Variants in ARHGAP39 observed in about 807,000 individuals in gnomAD.
ARHGAP39 encodes the protein rho GTPase-activating protein 39.
In ARHGAP39, 44 loss-of-function variants were observed where a neutral mutation model predicts 106.9. The ratio of observed to expected loss-of-function variants is 0.41; its 90% CI spans 0.32 to 0.53. ARHGAP39 has a LOEUF of 0.53. Ranked by LOEUF, ARHGAP39 falls within the 20% of genes least tolerant of loss-of-function variation. The pLI, the probability that ARHGAP39 is intolerant of heterozygous loss-of-function variation, is 0.21. For synonymous variants in ARHGAP39, 768 were observed against 693.2 expected (o/e 1.11, Z -1.69); for missense variants, 1,496 against 1,577.3 (o/e 0.95, Z 0.87).
chr8:144,618,193 C>A (rs1268447322), intron 1 of ARHGAP39, among the ~76,000 whole-genome samples: 2 of 152,246 alleles, frequency 1.3e-5, no homozygotes, highest in Non-Finnish European at 2.9e-5. Context: ...CGCCTGCCTG[C>A]ATGGCAAAGC....
chr8:144,579,649 C>T (rs1818895656), intron 3 of ARHGAP39, among the ~76,000 whole-genome samples: 1 of 152,132 alleles, frequency 6.6e-6, no homozygotes, highest in Admixed American at 6.5e-5. Context: ...CCCTCTGTGC[C>T]TGCACCTCGG....
chr8:144,631,817 T>A (rs1821069155), intron 1 of ARHGAP39, among the ~76,000 whole-genome samples: 1 of 152,234 alleles, frequency 6.6e-6, no homozygotes, highest in African/African-American at 2.4e-5. Context: ...CCTGTTTTCT[T>A]GTAACCTTTT....
intron 1 of ARHGAP39, among the ~76,000 whole-genome samples, chr8:144,633,138 T>A (rs985985080): frequency 2.8e-5 from 4 of 142,702 alleles, no homozygotes; most frequent in Non-Finnish European, 6.0e-5. Flanking sequence ...CAAGACCCTG[T>A]TTTTTTTTGT....
intron 3 of ARHGAP39, among the ~76,000 whole-genome samples, chr8:144,574,409 G>A (rs542121381): frequency 2.0e-5 from 3 of 152,134 alleles, no homozygotes; most frequent in South Asian, 4.2e-4. Flanking sequence ...GGTGGCTCAT[G>A]CCTGTAATCC....
rs1822106413 is a variant in ARHGAP39, at chr8:144,671,735, C to T, written c.-82+13951G>A. 6.6e-6 allele frequency among the ~76,000 whole-genome samples: 1 copy of T among 152,260 alleles called. No individual in the cohort carries two copies. The highest frequency in any genetic ancestry group is 6.5e-5 in the Admixed American group (1 of 15,288). The stretch of plus-strand genomic sequence containing the variant: ...GCCACCCTAGGGTTCTCCCTACGAC[C>T]CCAGGCACACGGCCACCTCTGCTGT... On this transcript the variant is annotated intron_variant, in intron 1 of 11. Coordinates refer to ENST00000377307, the MANE Select transcript of ARHGAP39 (RefSeq NM_025251.3). The surrounding 1 kb of genome is among the most constrained non-coding windows in gnomAD (Gnocchi z 4.5).
chr8:144,579,201 C>CAAA lies in ARHGAP39; in HGVS notation c.512+1642_512+1644dup, dbSNP rs541332282. On this transcript the variant is annotated intron_variant, in intron 3 of 11. Coordinates refer to ENST00000377307, the MANE Select transcript of ARHGAP39 (RefSeq NM_025251.3). The stretch of plus-strand genomic sequence containing the variant: ...TGGGCGACAGAGCGAGACTCTGTCT[C>CAAA]AAAAAAAAAAAAAAAAAAAAAAAAG... Among the ~76,000 whole-genome samples the CAAA allele has an allele frequency of 5.2e-3, 208 of 39,832 alleles. 3 individuals carry two copies. Among genetic ancestry groups the CAAA allele is most frequent in the Non-Finnish European group, 7.6e-3 (148 of 19,578 alleles). The allele number at this position is 39,832 out of a possible 152,430, so 26.1% of individuals were successfully genotyped here.
At chr8:144,636,410 G>C (rs750343417) in intron 1 of ARHGAP39, among the ~76,000 whole-genome samples, 5 of 152,144 alleles carry the variant, frequency 3.3e-5, no homozygotes, top group Middle Eastern at 3.2e-3. Flanking sequence ...GAGGGACTAG[G>C]GGGAGGAGTA....
Position 144,548,157 on chromosome 8 carries a change from G to A in ARHGAP39, c.929C>T (p.Pro310Leu), listed in dbSNP as rs375834942. The A allele has an allele frequency of 2.5e-6, 4 of 1,573,058 alleles. No homozygotes were observed. The African/African-American group carries it at 5.4e-5, about 21-fold the overall frequency. ...CACTGGGGGCTCCTCGTAGAGCGGG[G>A]GTTCATAGCCATAGCGCGGGGAGGA... ...QPSSPRYGYE[P>L]PLYEEPPVEY... Residue 310 changes from proline (P) to leucine (L), a missense_variant, in exon 5 of 12, where the codon CCC becomes CTC. Physicochemically the swap from Pro to Leu is moderately conservative, Grantham distance 98. This residue lies in a region of ARHGAP39 where 905 missense variants were observed against 816.4 expected (regional missense o/e 1.11). Coordinates refer to ENST00000377307, the MANE Select transcript of ARHGAP39 (RefSeq NM_025251.3). The surrounding 1 kb of genome is among the most constrained non-coding windows in gnomAD (Gnocchi z 7.4).
chr8:144,601,685 C>G (rs1224624324), intron 2 of ARHGAP39, among the ~76,000 whole-genome samples: 1 of 126,470 alleles, frequency 7.9e-6, no homozygotes, highest in African/African-American at 3.1e-5. Context: ...AGCTCATGTA[C>G]CTGTGTGCAT....
At chr8:144,615,202 T>G (rs1820602014) in intron 1 of ARHGAP39, among the ~76,000 whole-genome samples, 1 of 152,136 alleles carries the variant, frequency 6.6e-6, no homozygotes, top group Non-Finnish European at 1.5e-5. Context: ...ACGCCTGTGG[T>G]CCCAGCTACT....
At chr8:144,653,896 G>A (rs544558561) in intron 1 of ARHGAP39, among the ~76,000 whole-genome samples, 15 of 152,328 alleles carry the variant, frequency 9.8e-5, no homozygotes, top group East Asian at 3.9e-4. Context: ...AACTGGCGCC[G>A]AAAAGGGAAA....
At chr8:144,695,710 G>T in the ARHGAP39 span, among the ~76,000 whole-genome samples, 1 of 152,090 alleles carries the variant, frequency 6.6e-6, no homozygotes, top group Admixed American at 6.6e-5. Flanking sequence ...AAATAAAGTA[G>T]GCAAAAAAGT....
rs1228438090 is a variant in ARHGAP39 at position 144,547,812 on chromosome 8, C to T, written c.1274G>A (p.Gly425Asp). Residue 425 changes from glycine to aspartate, a missense_variant, in exon 5 of 12, where the codon GGT becomes GAT. Transcript: ENST00000377307. The surrounding 1 kb of genome is among the most constrained non-coding windows in gnomAD (Gnocchi z 5.2). ...GGGGCTGGGCTGCAAGGAGTACGAA[C>T]CACCGCCGGGGTTGGGCGCGTACTT... ...RHKYAPNPGG[G>D]SYSLQPSPCL... is the part of the protein sequence containing the mutation. 4 of 1,592,186 alleles carry T rather than the reference C, an allele frequency of 2.5e-6. No homozygotes were observed. The highest frequency in any genetic ancestry group is 1.1e-5 in the South Asian group (1 of 88,844).
chr8:144,572,317 A>C (rs1818615702), intron 3 of ARHGAP39, among the ~76,000 whole-genome samples: 1 of 152,196 alleles, frequency 6.6e-6, no homozygotes, highest in African/African-American at 2.4e-5. Flanking sequence ...CTCAGAAATA[A>C]CACCACACAT....
At chr8:144,610,610 G>C (rs1820456545) in intron 1 of ARHGAP39, among the ~76,000 whole-genome samples, 1 of 152,018 alleles carries the variant, frequency 6.6e-6, no homozygotes, top group African/African-American at 2.4e-5. Flanking sequence ...AACTCGAAAG[G>C]CTGAGGCAGG....
rs957826487 is a variant in ARHGAP39, at chr8:144,597,988, G to A, written c.80+7547C>T. On this transcript the variant is annotated intron_variant, in intron 2 of 11. Transcript: ENST00000377307. ...GAGATTCCCAGAGGTGGAAACCTGAGGGCTAAGAACACACGGAGATGCTCA... is the reference window on the plus strand; with the variant it reads ...GAGATTCCCAGAGGTGGAAACCTGAAGGCTAAGAACACACGGAGATGCTCA... Among the ~76,000 whole-genome samples, 5 of 152,342 alleles carry A rather than the reference G, an allele frequency of 3.3e-5. No individual in the cohort carries two copies. The South Asian group carries it at 8.3e-4, about 25-fold the overall frequency.
chr8:144,543,955 A>G (rs1481783004), intron 6 of ARHGAP39: 2 of 152,242 alleles, frequency 1.3e-5, no homozygotes, highest in Non-Finnish European at 2.9e-5. Flanking sequence ...CTCAGGCACG[A>G]CATTCCCAGG....
intron 3 of ARHGAP39, among the ~76,000 whole-genome samples, chr8:144,573,635 A>C (rs577133625): frequency 6.6e-6 from 1 of 152,368 alleles, no homozygotes; most frequent in South Asian, 2.1e-4. Context: ...AACTTGATTT[A>C]CATAATAGAT....
intron 1 of ARHGAP39, among the ~76,000 whole-genome samples, chr8:144,681,068 C>T (rs1349644665): frequency 6.6e-6 from 1 of 152,078 alleles, no homozygotes; most frequent in East Asian, 1.9e-4. Context: ...TGCAGACCAG[C>T]TGAGGAGGAG....
Sources: gnomAD v4.1 joint callset for allele counts (sites outside exome capture counted in the v4.1 genomes callset) on GRCh38, gnomAD v4.1.1 for gene constraint, gnomAD v4.1.1 regional missense constraint, Gnocchi (gnomAD v3.1) non-coding constraint, MANE v1.5 for transcripts, NCBI Gene and HGNC (gene_info 2026-07-23, HGNC 2026-07-21) for gene names.